STAB2: variants seen among roughly 807,000 people sequenced by gnomAD.
STAB2 encodes the protein stabilin-2.
In STAB2, 288 loss-of-function variants were observed where a neutral mutation model predicts 338.1. The observed-to-expected ratio is 0.85, with a 90% CI of 0.77 to 0.94. The LOEUF is 0.94. Among genes scored for constraint, STAB2 ranks in the 40% least tolerant of loss-of-function variants. The probability of loss-of-function intolerance (pLI) is 0.00; values close to 1 mark genes in which losing one functional copy is unlikely to be tolerated. For synonymous variants in STAB2, 1,202 were observed against 1,193.3 expected (o/e 1.01, Z -0.15); for missense variants, 3,141 against 3,210.1 (o/e 0.98, Z 0.52).
intron 3 of STAB2, among the ~76,000 whole-genome samples, chr12:103,602,590 A>G (rs1258075428): frequency 2.6e-5 from 4 of 152,234 alleles, no homozygotes; most frequent in African/African-American, 9.6e-5. Flanking sequence ...TTCTATCAAC[A>G]ATGTATGAGG....
chr12:103,695,488 T>C (rs1309854348), intron 31 of STAB2, 62 bp from the exon 32 acceptor site: 1 of 1,507,712 alleles, frequency 6.6e-7, no homozygotes, highest in Non-Finnish European at 9.2e-7. Flanking sequence ...CTCTCCTATG[T>C]ATCGAAAAGC....
intron 5 of STAB2, among the ~76,000 whole-genome samples, chr12:103,622,399 G>A (rs1957316508): frequency 6.6e-6 from 1 of 152,186 alleles, no homozygotes; most frequent in African/African-American, 2.4e-5. Context: ...CAGAATGGCT[G>A]GATTGGTTAC....
chr12:103,606,042 G>T (rs1175313167), intron 3 of STAB2, among the ~76,000 whole-genome samples: 1 of 151,866 alleles, frequency 6.6e-6, no homozygotes. Context: ...TCTGTTCTTT[G>T]TTCCTTTTGC....
intron 5 of STAB2, among the ~76,000 whole-genome samples, chr12:103,622,536 T>G (rs1957318629): frequency 6.6e-6 from 1 of 152,212 alleles, no homozygotes; most frequent in African/African-American, 2.4e-5. Context: ...AGTTAGGTTT[T>G]CAATCTCATC....
chr12:103,733,225 G>C, intron 51 of STAB2, 43 bp downstream of exon 51: 9 of 1,597,680 alleles, frequency 5.6e-6, no homozygotes, highest in Non-Finnish European at 7.7e-6. Context: ...AATGTCCCAG[G>C]GTGGTGATAA....
chr12:103,713,610 C>T lies in STAB2; in HGVS notation c.4412-33C>T, dbSNP rs201423698. On this transcript the variant is annotated intron_variant, in intron 41 of 68. Coordinates refer to ENST00000388887, the MANE Select transcript of STAB2 (RefSeq NM_017564.10). ...ATACATCAATGGCTTTTGCCCTTCCCTCTCCCCTTCTGCTCTGTGTCATCT... is the reference window on the plus strand; with the variant it reads ...ATACATCAATGGCTTTTGCCCTTCCTTCTCCCCTTCTGCTCTGTGTCATCT... 9 of 1,610,242 alleles carry T rather than the reference C, an allele frequency of 5.6e-6. No homozygotes were observed. The Admixed American group carries it at 1.0e-4, about 18-fold the overall frequency.
In STAB2 at chr12:103,703,160, G is replaced by C; in HGVS notation, c.3727G>C (p.Glu1243Gln). 6.2e-7 allele frequency: 1 copy of C among 1,613,528 alleles called. No homozygotes were observed. Among genetic ancestry groups the C allele is most frequent in the African/African-American group, 1.3e-5 (1 of 75,030 alleles). ...CTGTTGTTCACAGCTCTATGTAAAT[G>C]AGGCTCCAATAAACTACACCAATGT... ...FLHNDQLYVNEAPINYTNVAT... is the reference protein window; with the variant it reads ...FLHNDQLYVNQAPINYTNVAT... The change falls in exon 35 of 69, where the codon GAG (glutamate) becomes CAG (glutamine). Residue 1243 changes from glutamate to glutamine, a missense_variant. Glu to Gln is a conservative substitution (Grantham distance 29). Transcript: ENST00000388887.
At chr12:103,622,598 A>G (rs1395433605) in intron 5 of STAB2, among the ~76,000 whole-genome samples, 1 of 152,266 alleles carries the variant, frequency 6.6e-6, no homozygotes, top group African/African-American at 2.4e-5. Context: ...ATATGGAAGT[A>G]CAGAGTCCTT....
intron 22 of STAB2, among the ~76,000 whole-genome samples, 170 bp from the exon 23 acceptor site, chr12:103,673,737 A>G (rs1425610839): frequency 6.6e-6 from 1 of 152,162 alleles, no homozygotes; most frequent in East Asian, 1.9e-4. Context: ...AGAACACTTG[A>G]GACTCCAAGA....
At chr12:103,748,866 C>T in intron 58 of STAB2, 97 bp from the exon 59 acceptor site, 1 of 1,330,946 alleles carries the variant, frequency 7.5e-7, no homozygotes, top group Non-Finnish European at 1.0e-6. Context: ...CATTTACTCA[C>T]CCAACACCAC....
At chr12:103,622,325 T>C (rs1957314630) in intron 5 of STAB2, among the ~76,000 whole-genome samples, 1 of 150,462 alleles carries the variant, frequency 6.6e-6, no homozygotes, top group African/African-American at 2.5e-5. Context: ...AGTGAAGCCA[T>C]GTGATGAAAG....
rs1182154441 is a variant in STAB2, at chr12:103,705,507, A to ACC, written c.3901-124_3901-123dup. ...GCTTAAGAAGCAGTGCCAACAAGCC[A>ACC]CCACCTTCTCTTCCCACAACACTTT... On this transcript the variant is annotated intron_variant, in intron 36 of 68. Transcript: ENST00000388887. 4 of 736,948 alleles carry ACC rather than the reference A, an allele frequency of 5.4e-6. No individual in the cohort carries two copies. The East Asian group carries it at 1.1e-4, about 20-fold the overall frequency. 45.7% of individuals were successfully genotyped at this position (736,948 alleles called of 1,614,324 possible).
chr12:103,728,706 T>C (rs1881403894), intron 47 of STAB2, 143 bp from the exon 48 acceptor site: 1 of 1,047,140 alleles, frequency 9.5e-7, no homozygotes. Flanking sequence ...CTCCACTCTA[T>C]AATCCTGACC....
chr12:103,699,870 G>A lies in STAB2; in HGVS notation c.3714+643G>A, dbSNP rs184182406. On this transcript the variant is annotated intron_variant, in intron 34 of 68. Transcript: ENST00000388887. The stretch of plus-strand genomic sequence containing the variant: ...TCTGCAGTCATAGGCGTCCTTCAGC[G>A]CTGGTACAACAAACCCAACAGATGG... Among the ~76,000 whole-genome samples the A allele has an allele frequency of 2.2e-3, 330 of 152,288 alleles. 1 individual carries two copies. The highest frequency in any genetic ancestry group is 3.7e-3 in the Non-Finnish European group (253 of 68,020).
intron 15 of STAB2, 112 bp downstream of exon 15, chr12:103,655,693 C>T: frequency 7.6e-7 from 1 of 1,314,082 alleles, no homozygotes; most frequent in East Asian, 2.4e-5. Flanking sequence ...CATGTATCAC[C>T]ACCTACCCTC....
chr12:103,632,045 G>A (rs1019617042), intron 6 of STAB2, among the ~76,000 whole-genome samples: 1 of 152,230 alleles, frequency 6.6e-6, no homozygotes, highest in East Asian at 1.9e-4. Flanking sequence ...AGGAGATACA[G>A]CATCTTCTCA....
chr12:103,633,028 C>A (rs902390220), intron 6 of STAB2, among the ~76,000 whole-genome samples: 9 of 152,208 alleles, frequency 5.9e-5, no homozygotes, highest in African/African-American at 2.2e-4. Flanking sequence ...GATGAATAAA[C>A]TCAGCCTCTG....
rs572316709 is a variant in STAB2 at position 103,697,735 on chromosome 12, T to C, written c.3583-1361T>C. On this transcript the variant is annotated intron_variant, in intron 33 of 68. Coordinates refer to ENST00000388887, the MANE Select transcript of STAB2 (RefSeq NM_017564.10). ...ATGAATTGTTTATTGGATATAAAGC[T>C]GTATAAATGAAAGGTTAAAGTGAGA... is the stretch of plus-strand genomic sequence containing the variant. 6.6e-5 allele frequency among the ~76,000 whole-genome samples: 10 copies of C among 152,328 alleles called. No homozygotes were observed. In the South Asian group the frequency reaches 2.1e-3, roughly 32 times the overall value.
intron 50 of STAB2, among the ~76,000 whole-genome samples, chr12:103,732,731 C>T (rs927794482): frequency 3.3e-5 from 5 of 151,818 alleles, no homozygotes; most frequent in Admixed American, 2.6e-4. Flanking sequence ...CTTGAACCCA[C>T]GAGGTTGAAG....
Sources: allele counts gnomAD v4.1 joint callset (sites outside exome capture counted in the v4.1 genomes callset), GRCh38; gene constraint gnomAD v4.1.1; transcripts MANE v1.5; gene names NCBI Gene and HGNC (gene_info 2026-07-23, HGNC 2026-07-21).